Variants in PLB1 observed in about 807,000 individuals in gnomAD.
The protein encoded by PLB1 is phospholipase B1, membrane-associated.
PLB1 carries 242 observed loss-of-function variants against 227.4 expected under a neutral mutation model. The ratio of observed to expected loss-of-function variants is 1.06; its 90% confidence interval spans 0.96 to 1.18. PLB1 has a LOEUF of 1.18. Among genes scored for constraint, PLB1 ranks in the 50% most tolerant of loss-of-function variants. The probability of loss-of-function intolerance (pLI) is 0.00; values close to 1 mark genes in which losing one functional copy is unlikely to be tolerated. For synonymous variants in PLB1, 757 were observed against 682.2 expected, an observed-to-expected ratio of 1.11 and a Z score of -1.71; for missense variants, 1,858 against 1,816.3, an observed-to-expected ratio of 1.02 and a Z score of -0.42.
At chr2:28,507,166 G>A (rs187710138) in intron 1 of PLB1, among the ~76,000 whole-genome samples, 22 of 152,304 alleles carry the variant, frequency 1.4e-4, no homozygotes, top group East Asian at 3.9e-4. Flanking sequence ...ACCTGCCATC[G>A]TCAAGGTCTG....
chr2:28,626,650 G>A (rs1687836691), intron 51 of PLB1, 142 bp downstream of exon 51: 2 of 736,626 alleles, frequency 2.7e-6, no homozygotes, highest in Admixed American at 2.3e-5. Flanking sequence ...GCCCTCCCTG[G>A]TTTACACATG....
At chr2:28,540,749 G>C (rs1246198630) in intron 12 of PLB1, among the ~76,000 whole-genome samples, 12 of 152,188 alleles carry the variant, frequency 7.9e-5, no homozygotes, top group Admixed American at 7.9e-4. Flanking sequence ...TTGGTCATCA[G>C]TGCCACTTGT....
rs752591512 is a variant in PLB1 at position 28,566,788 on chromosome 2, C to T, written c.1281-8C>T. The T allele has an allele frequency of 6.2e-7, 1 of 1,614,094 alleles. No homozygotes were observed. On this transcript the variant is annotated splice_region_variant and splice_polypyrimidine_tract_variant and intron_variant, in intron 19 of 57. Coordinates refer to ENST00000327757, the MANE Select transcript of PLB1 (RefSeq NM_153021.5). ...CCCTTCATTTTCTTTCTTGGACCCA[C>T]GTTACAGCGTCGGCGGAGATGAGAA... is the stretch of plus-strand genomic sequence containing the variant.
At chr2:28,534,740 G>C (rs959687995) in intron 9 of PLB1, among the ~76,000 whole-genome samples, 69 of 152,106 alleles carry the variant, frequency 4.5e-4, no homozygotes, top group African/African-American at 1.4e-3. Context: ...TGTAGTCCCA[G>C]CTACTCGGGA....
chr2:28,621,291 A>G (rs767171814), intron 49 of PLB1, among the ~76,000 whole-genome samples: 57 of 152,080 alleles, frequency 3.7e-4, no homozygotes, highest in Non-Finnish European at 6.3e-4. Context: ...CAGGAGGCGC[A>G]CATCTGCCCT....
chr2:28,614,961 A>T (rs543637471), intron 44 of PLB1, among the ~76,000 whole-genome samples: 1 of 149,128 alleles, frequency 6.7e-6, no homozygotes, highest in South Asian at 2.1e-4. Flanking sequence ...TCTTATATAC[A>T]TGGCTAGGCA....
At chr2:28,610,674 C>T (rs1685316646) in intron 43 of PLB1, among the ~76,000 whole-genome samples, 2 of 149,842 alleles carry the variant, frequency 1.3e-5, no homozygotes, top group Non-Finnish European at 3.0e-5. Flanking sequence ...TTGATCCAAC[C>T]AGCACAACCA....
At position 28,617,996 on chromosome 2, in the gene PLB1, A is replaced by G. The variant is rs530998449; in HGVS notation, c.3256+209A>G. Among the ~76,000 whole-genome samples, 27 of 152,294 alleles carry G rather than the reference A, an allele frequency of 1.8e-4. 1 individual carries two copies. In the East Asian group the frequency reaches 3.3e-3, roughly 19 times the overall value. ...ATTGGATGCTACTTCTTGTCTCCTT[A>G]TAGTCCCAGTGGCAGTCCCTTAGGC... On this transcript the variant is annotated intron_variant, in intron 45 of 57. Transcript: ENST00000327757.
chr2:28,564,207 A>C (rs748667791), intron 18 of PLB1, among the ~76,000 whole-genome samples: 27 of 152,198 alleles, frequency 1.8e-4, no homozygotes, highest in Non-Finnish European at 3.4e-4. Flanking sequence ...GTGCAACTGC[A>C]CTCCAGGCTG....
intron 16 of PLB1, among the ~76,000 whole-genome samples, chr2:28,550,376 A>C (rs541468843): frequency 1.3e-5 from 2 of 151,604 alleles, no homozygotes; most frequent in African/African-American, 4.8e-5. Flanking sequence ...GGGTTTCACC[A>C]TGTTAGCCAG....
Position 28,604,743 on chromosome 2 carries a change from A to T in PLB1, c.2945A>T (p.Gln982Leu). ...VVLQPFFQNI[Q>L]LPVLADGLPD... ...CTGCAGCCCTTCTTCCAGAACATCC[A>T]GCTCCCTGTCCTGGCGGTATGTCCC... The change falls in exon 41 of 58, where the codon CAG becomes CTG. Residue 982 changes from glutamine to leucine, a missense_variant. Transcript: ENST00000327757. The T allele has an allele frequency of 6.2e-7, 1 of 1,614,080 alleles. No homozygotes were observed. Among genetic ancestry groups the T allele is most frequent in the South Asian group, 1.1e-5 (1 of 91,076 alleles).
At chr2:28,606,716 G>A in intron 43 of PLB1, 149 bp downstream of exon 43, 2 of 717,238 alleles carry the variant, frequency 2.8e-6, no homozygotes, top group South Asian at 3.3e-5. Context: ...GGGAGTCCAT[G>A]AGGATGGACA....
At chr2:28,582,616 G>A in intron 25 of PLB1, 111 bp downstream of exon 25, 1 of 794,978 alleles carries the variant, frequency 1.3e-6, no homozygotes, top group Non-Finnish European at 2.0e-6. Context: ...AAAGGGCTGT[G>A]ACCACCCCAT....
Position 28,516,822 on chromosome 2 carries a change from C to T in PLB1, c.70C>T (p.His24Tyr). 1.2e-6 allele frequency: 2 copies of T among 1,613,800 alleles called. No individual in the cohort carries two copies. Among genetic ancestry groups the T allele is most frequent in the South Asian group, 2.2e-5 (2 of 91,058 alleles). ...LLLGQGTPQI[H>Y]TSPRKSTLEG... ...CTTTCTTTCAGGGACCCCTCAGATCCATACCTCTCCTAGAAAGAGTACATT... is the reference window on the plus strand; with the variant it reads ...CTTTCTTTCAGGGACCCCTCAGATCTATACCTCTCCTAGAAAGAGTACATT... Residue 24 changes from histidine (H) to tyrosine (Y), a missense_variant, in exon 2 of 58, where the codon CAT becomes TAT. His to Tyr is a moderately conservative substitution (Grantham distance 83, BLOSUM62 2). Transcript: ENST00000327757.
At chr2:28,637,244 G>T (rs529830068) in intron 56 of PLB1, among the ~76,000 whole-genome samples, 5 of 145,280 alleles carry the variant, frequency 3.4e-5, no homozygotes, top group African/African-American at 1.3e-4. Flanking sequence ...AGTGAGCCAA[G>T]ATTGCATCAT....
At chr2:28,529,685 T>C (rs376905723) in intron 7 of PLB1, 43 bp from the exon 8 acceptor site, 43 of 1,596,766 alleles carry the variant, frequency 2.7e-5, no homozygotes, top group Non-Finnish European at 3.5e-5. Flanking sequence ...CTTAACAAAA[T>C]AATATTTAGC....
chr2:28,617,712 C>A lies in PLB1; in HGVS notation c.3196-15C>A. The stretch of plus-strand genomic sequence containing the variant: ...ATGAGTGTTGGGCACTGAATCTTTT[C>A]TCCTGTTGATTTAGAACTGGGGCAG... On this transcript the variant is annotated splice_polypyrimidine_tract_variant and intron_variant, in intron 44 of 57. Coordinates refer to ENST00000327757, the MANE Select transcript of PLB1 (RefSeq NM_153021.5). 3 of 1,613,558 alleles carry A rather than the reference C, an allele frequency of 1.9e-6. No individual in the cohort carries two copies. Among genetic ancestry groups the A allele is most frequent in the South Asian group, 1.1e-5 (1 of 91,064 alleles).
At chr2:28,569,186 C>G (rs946923928) in intron 20 of PLB1, among the ~76,000 whole-genome samples, 1 of 152,090 alleles carries the variant, frequency 6.6e-6, no homozygotes, top group African/African-American at 2.4e-5. Flanking sequence ...TTCTCACATC[C>G]TAGCAGATTG....
intron 55 of PLB1, 110 bp from the exon 56 acceptor site, chr2:28,632,834 A>G: frequency 1.4e-6 from 1 of 720,438 alleles, no homozygotes; most frequent in Non-Finnish European, 2.4e-6. Flanking sequence ...TTGGCAGGAA[A>G]GTTGAAAGAA....
Sources: gnomAD v4.1 joint callset for allele counts (sites outside exome capture counted in the v4.1 genomes callset) on GRCh38, gnomAD v4.1.1 for gene constraint, MANE v1.5 for transcripts, NCBI Gene and HGNC (gene_info 2026-07-23, HGNC 2026-07-21) for gene names.